Variants in ZBTB8B observed in about 807,000 individuals in gnomAD.
ZBTB8B encodes zinc finger and BTB domain-containing protein 8B.
In ZBTB8B, 17 loss-of-function variants were observed where a neutral mutation model predicts 30.3. The ratio of observed to expected loss-of-function variants is 0.56; its 90% CI spans 0.38 to 0.84. The LOEUF (loss-of-function observed/expected upper bound fraction) is 0.84, where lower values mean the gene tolerates loss of function less well. Among genes scored for constraint, ZBTB8B ranks in the 40% least tolerant of loss-of-function variants. The pLI, the probability that ZBTB8B is intolerant of heterozygous loss-of-function variation, is 0.00. For missense variants in ZBTB8B, 515 were observed against 644.9 expected (o/e 0.80, Z 2.18); for synonymous variants, 248 against 255.6 (o/e 0.97, Z 0.28).
chr1:32,490,765 A>G lies in ZBTB8B; in HGVS notation c.*5347A>G, dbSNP rs1643773905. ...CCACCATGCCCAGCTAATTTTTTGT[A>G]TTTTTAGTAGAGACGGGGTTTCACC... On this transcript the variant is annotated 3_prime_UTR_variant, in exon 4 of 4. Coordinates refer to ENST00000609129, the MANE Select transcript of ZBTB8B (RefSeq NM_001145720.2). The G allele has an allele frequency of 6.6e-6, 1 of 151,906 alleles. No homozygotes were observed. Among genetic ancestry groups the G allele is most frequent in the Non-Finnish European group, 1.5e-5 (1 of 68,012 alleles). 9.4% of individuals were successfully genotyped at this position (151,906 alleles called of 1,614,324 possible).
At position 32,470,507 on chromosome 1, in the gene ZBTB8B, A is replaced by ATAAAAAAAAAAAT. The variant is rs1396630216; in HGVS notation, c.-41-77_-41-76insTAAAAAAAAAAAT. Reference sequence around the variant, plus strand: ...AGAGCAAGACGCTGACTCAAAAAAAAAAAAAAAAAAAAAAAAAAAGAAATC... The same window carrying ATAAAAAAAAAAAT: ...AGAGCAAGACGCTGACTCAAAAAAAATAAAAAAAAAAATAAAAAAAAAAAAAAAAAAAGAAATC... On this transcript the variant is annotated intron_variant, in intron 1 of 3. Transcript: ENST00000609129. The ATAAAAAAAAAAAT allele has an allele frequency of 1.2e-4, 126 of 1,010,836 alleles. No individual in the cohort carries two copies. In the African/African-American group the frequency reaches 2.0e-3, roughly 16 times the overall value. The allele number at this position is 1,010,836 out of a possible 1,614,324, so 62.6% of individuals were successfully genotyped here.
chr1:32,482,855 A>G (rs1327960512), intron 3 of ZBTB8B, among the ~76,000 whole-genome samples: 1 of 151,946 alleles, frequency 6.6e-6, no homozygotes, highest in Non-Finnish European at 1.5e-5. Flanking sequence ...AGGAAAAGAT[A>G]GACAAATGGC....
chr1:32,475,951 G>T (rs1643662039), intron 2 of ZBTB8B, among the ~76,000 whole-genome samples: 1 of 151,618 alleles, frequency 6.6e-6, no homozygotes, highest in Non-Finnish European at 1.5e-5. Context: ...CCAAGTAGCT[G>T]GAATTACCGG....
Position 32,492,235 on chromosome 1 carries a change from AT to A in ZBTB8B, c.*6821del, listed in dbSNP as rs1186360395. ...CATGTCTGAGTATTCCATCAGTCATATTTTGATGGGAGCCTTTGGCCATCTG... is the reference window on the plus strand; with the variant it reads ...CATGTCTGAGTATTCCATCAGTCATATTTGATGGGAGCCTTTGGCCATCTG... On this transcript the variant is annotated 3_prime_UTR_variant, in exon 4 of 4. Transcript: ENST00000609129. 1 of 148,732 alleles carries A rather than the reference AT, an allele frequency of 6.7e-6. No homozygotes were observed. Among genetic ancestry groups the A allele is most frequent in the Non-Finnish European group, 1.5e-5 (1 of 68,280 alleles). 9.2% of individuals were successfully genotyped at this position (148,732 alleles called of 1,614,324 possible).
At chr1:32,470,477 G>C in intron 1 of ZBTB8B, 107 bp from the exon 2 acceptor site, 3 of 1,101,502 alleles carry the variant, frequency 2.7e-6, no homozygotes, top group Non-Finnish European at 3.6e-6. Context: ...TCCAGCCTGG[G>C]CAACAGAGCA....
At chr1:32,477,135 C>T (rs1643670992) in intron 2 of ZBTB8B, among the ~76,000 whole-genome samples, 1 of 152,194 alleles carries the variant, frequency 6.6e-6, no homozygotes. Flanking sequence ...TCTTTTAAAA[C>T]CTTGCTCAAA....
chr1:32,477,518 A>T (rs1442570899), intron 2 of ZBTB8B, among the ~76,000 whole-genome samples: 1 of 152,172 alleles, frequency 6.6e-6, no homozygotes, highest in Non-Finnish European at 1.5e-5. Context: ...AGCTAAGGTG[A>T]TGGAGATAAA....
In ZBTB8B at chr1:32,478,660, C is replaced by G. The variant is rs531672462; in HGVS notation, c.992-2231C>G. Among the ~76,000 whole-genome samples the G allele has an allele frequency of 1.8e-4, 27 of 152,282 alleles. 1 individual carries two copies. In the South Asian group the frequency reaches 1.9e-3, roughly 11 times the overall value. On this transcript the variant is annotated intron_variant, in intron 2 of 3. Transcript: ENST00000609129. The stretch of plus-strand genomic sequence containing the variant: ...TCCTGGGAAACAGATATCGGAGTCA[C>G]TATAGAGTATGCAAAATGTTAGGCA...
chr1:32,471,662 A>G (rs1643622384), intron 2 of ZBTB8B, 47 bp downstream of exon 2: 1 of 1,517,150 alleles, frequency 6.6e-7, no homozygotes, highest in South Asian at 1.2e-5. Context: ...TTGAGTACAC[A>G]CTGTCTGTGC....
chr1:32,471,043 C>A lies in ZBTB8B; in HGVS notation c.419C>A (p.Ala140Glu). Residue 140 changes from alanine (A) to glutamate (E), a missense_variant, in exon 2 of 4, where the codon GCG becomes GAG. Ala to Glu is a moderately radical substitution (Grantham distance 107). Transcript: ENST00000609129. ...KEAAVAAAVA[A>E]AAAAAAAAAA... ...GCTGCTGTGGCTGCAGCAGTGGCGG[C>A]GGCAGCGGCGGCGGCTGCAGCGGCG... 1 of 1,550,006 alleles carries A rather than the reference C, an allele frequency of 6.5e-7. No individual in the cohort carries two copies. The highest frequency in any genetic ancestry group is 8.7e-7 in the Non-Finnish European group (1 of 1,146,336).
chr1:32,485,655 G>A lies in ZBTB8B; in HGVS notation c.*237G>A. ...GCTTTGCTGGCCACTCCTTAATTCT[G>A]AGTGAGTCAAAGCAGGCCCTGAGGT... On this transcript the variant is annotated 3_prime_UTR_variant, in exon 4 of 4. Coordinates refer to ENST00000609129, the MANE Select transcript of ZBTB8B (RefSeq NM_001145720.2). 4 of 521,834 alleles carry A rather than the reference G, an allele frequency of 7.7e-6. No individual in the cohort carries two copies. In the South Asian group the frequency reaches 9.0e-5, roughly 12 times the overall value. 32.3% of individuals were successfully genotyped at this position (521,834 alleles called of 1,614,324 possible).
At chr1:32,477,409 G>A (rs1643672495) in intron 2 of ZBTB8B, among the ~76,000 whole-genome samples, 1 of 152,232 alleles carries the variant, frequency 6.6e-6, no homozygotes, top group South Asian at 2.1e-4. Flanking sequence ...ATACTTTTCT[G>A]ATGGAGAAAC....
rs1356344369 is a variant in ZBTB8B at position 32,484,064 on chromosome 1, C to T, written c.1171-1037C>T. On this transcript the variant is annotated intron_variant, in intron 3 of 3. Coordinates refer to ENST00000609129, the MANE Select transcript of ZBTB8B (RefSeq NM_001145720.2). This position sits in a 1 kb window ranked among gnomAD's most constrained non-coding sequence, Gnocchi z 4.5. ...TACAAGAAATAAAAAATTAGCCAGG[C>T]ATGATGATATGTGGGCGCCTGTGGT... Among the ~76,000 whole-genome samples the T allele has an allele frequency of 1.3e-5, 2 of 152,012 alleles. No homozygotes were observed. The highest frequency in any genetic ancestry group is 2.9e-5 in the Non-Finnish European group (2 of 68,004).
In ZBTB8B at chr1:32,494,329, C is replaced by T. The variant is rs1238729815; in HGVS notation, c.*8911C>T. 6.6e-6 allele frequency: 1 copy of T among 152,032 alleles called. No homozygotes were observed. The highest frequency in any genetic ancestry group is 2.1e-4 in the South Asian group (1 of 4,826). The allele number at this position is 152,032 out of a possible 1,614,324, so 9.4% of individuals were successfully genotyped here. A position where few individuals can be genotyped will look rare whatever the true frequency, so the allele number is the denominator to read the frequency against. On this transcript the variant is annotated 3_prime_UTR_variant, in exon 4 of 4. Coordinates refer to ENST00000609129, the MANE Select transcript of ZBTB8B (RefSeq NM_001145720.2). ...TGAAATGACGTTTCTAGTTCTCACA[C>T]AGCTGGTTAGGATCAGAAACCAGGT...
At chr1:32,474,797 G>A (rs920603063) in intron 2 of ZBTB8B, among the ~76,000 whole-genome samples, 16 of 152,290 alleles carry the variant, frequency 1.1e-4, no homozygotes, top group East Asian at 3.9e-4. Flanking sequence ...AGTGAGTTTC[G>A]TAAGAATGTA....
At chr1:32,483,219 C>T (rs969287847) in intron 3 of ZBTB8B, among the ~76,000 whole-genome samples, 10 of 119,786 alleles carry the variant, frequency 8.3e-5, no homozygotes, top group African/African-American at 9.6e-5. Context: ...GCCAGTGTGG[C>T]GAAACCCCTT....
rs1643743483 is a variant in ZBTB8B at position 32,486,109 on chromosome 1, C to T, written c.*691C>T. Reference sequence around the variant, plus strand: ...ATGACCCCAGGTCTGGATGGTTTCCCTGTCTGGTTTGGCATTTGACGATTC... The same window carrying T: ...ATGACCCCAGGTCTGGATGGTTTCCTTGTCTGGTTTGGCATTTGACGATTC... On this transcript the variant is annotated 3_prime_UTR_variant, in exon 4 of 4. Coordinates refer to ENST00000609129, the MANE Select transcript of ZBTB8B (RefSeq NM_001145720.2). 6.6e-6 allele frequency: 1 copy of T among 152,104 alleles called. No homozygotes were observed. Among genetic ancestry groups the T allele is most frequent in the Non-Finnish European group, 1.5e-5 (1 of 68,058 alleles). 9.4% of individuals were successfully genotyped at this position (152,104 alleles called of 1,614,324 possible). A position where few individuals can be genotyped will look rare whatever the true frequency, so the allele number is the denominator to read the frequency against.
chr1:32,481,659 G>C (rs544996061), intron 3 of ZBTB8B, among the ~76,000 whole-genome samples: 15 of 152,254 alleles, frequency 9.9e-5, no homozygotes, highest in African/African-American at 3.6e-4. Flanking sequence ...AGGTTCAGGG[G>C]TAAACGAGAA....
Position 32,485,218 on chromosome 1 carries a change from A to G in ZBTB8B, c.1288A>G (p.Thr430Ala). The G allele has an allele frequency of 1.3e-6, 2 of 1,551,966 alleles. No homozygotes were observed. ...TGACAGCTGCACCTGCGTTACAGAC[A>G]CACCCGATGATGATGATGATTTGAT... Reference protein sequence around the residue: ...LCDSCTCVTDTPDDDDDLMPI... With the variant: ...LCDSCTCVTDAPDDDDDLMPI... Residue 430 changes from threonine (T) to alanine (A), a missense_variant, in exon 4 of 4, where the codon ACA (threonine) becomes GCA (alanine). By Grantham distance (58) the Thr-to-Ala change is moderately conservative. This residue lies in a region of ZBTB8B where 429 missense variants were observed against 504.3 expected (regional missense o/e 0.85). Coordinates refer to ENST00000609129, the MANE Select transcript of ZBTB8B (RefSeq NM_001145720.2).
Sources: allele counts gnomAD v4.1 joint callset (sites outside exome capture counted in the v4.1 genomes callset), GRCh38; gene constraint gnomAD v4.1.1; regional missense constraint gnomAD v4.1.1; non-coding constraint Gnocchi (gnomAD v3.1); transcripts MANE v1.5; gene names NCBI Gene and HGNC (gene_info 2026-07-23, HGNC 2026-07-21).